The following ABCC1 variants were observed in gnomAD, a reference collection of about 807,000 sequenced individuals.
The protein encoded by ABCC1 is ATP binding cassette subfamily C member 1 (ABCC1 blood group).
ABCC1 carries 83 observed loss-of-function variants against 172.9 expected under a neutral mutation model. The ratio of observed to expected loss-of-function variants is 0.48; its 90% CI spans 0.40 to 0.58. The LOEUF (loss-of-function observed/expected upper bound fraction) is 0.58. Ranked by LOEUF, ABCC1 falls within the 20% of genes least tolerant of loss-of-function variation. ABCC1 has a pLI of 0.00. For synonymous variants in ABCC1, 937 were observed against 825.2 expected (o/e 1.14, Z -2.32); for missense variants, 1,817 against 2,002.7 (o/e 0.91, Z 1.77).
intron 14 of ABCC1, among the ~76,000 whole-genome samples, chr16:16,072,072 A>C (rs1257138782): frequency 6.6e-6 from 1 of 152,018 alleles, no homozygotes; most frequent in Non-Finnish European, 1.5e-5. Context: ...AGGACTCTGG[A>C]GGCTGGCCAG....
At chr16:16,003,543 A>T (rs1207472734) in intron 1 of ABCC1, among the ~76,000 whole-genome samples, 1 of 130,744 alleles carries the variant, frequency 7.6e-6, no homozygotes, top group Non-Finnish European at 1.7e-5. Context: ...AGGTGGGTGG[A>T]TGGATGGATG....
chr16:16,132,029 C>T, intron 27 of ABCC1, 94 bp downstream of exon 27: 34 of 1,476,824 alleles, frequency 2.3e-5, no homozygotes, highest in Non-Finnish European at 3.1e-5. Context: ...TCCCCAGTCA[C>T]TCACGGCTCC....
intron 1 of ABCC1, among the ~76,000 whole-genome samples, chr16:15,995,516 GT>G (rs10716039): frequency 6.6e-6 from 1 of 151,594 alleles, no homozygotes; most frequent in African/African-American, 2.4e-5. Context: ...ACATAGAGTT[GT>G]TTTTTTTAGC....
intron 14 of ABCC1, among the ~76,000 whole-genome samples, chr16:16,075,962 C>T (rs1567376480): frequency 6.7e-6 from 1 of 150,038 alleles, no homozygotes; most frequent in Non-Finnish European, 1.5e-5. Context: ...GCTCGGCCCT[C>T]CCAGCTGGAG....
intron 5 of ABCC1, among the ~76,000 whole-genome samples, chr16:16,028,873 G>A (rs1016970973): frequency 1.3e-5 from 2 of 152,150 alleles, no homozygotes; most frequent in African/African-American, 4.8e-5. Flanking sequence ...ACCCAGGTCT[G>A]TCCGGGTCCA....
At chr16:16,101,965 T>C (rs1272192098) in intron 19 of ABCC1, among the ~76,000 whole-genome samples, 1 of 152,174 alleles carries the variant, frequency 6.6e-6, no homozygotes, top group East Asian at 1.9e-4. Context: ...ATCTGAAGAC[T>C]CAATCAGGGA....
intron 18 of ABCC1, among the ~76,000 whole-genome samples, chr16:16,089,409 A>G (rs112036315): frequency 2.0e-5 from 3 of 152,184 alleles, no homozygotes; most frequent in Admixed American, 6.5e-5. Flanking sequence ...TTATCTGGGC[A>G]TGGTGGCACG....
At chr16:16,064,847 C>G (rs45482896) in intron 12 of ABCC1, among the ~76,000 whole-genome samples, 1 of 152,160 alleles carries the variant, frequency 6.6e-6, no homozygotes, top group Non-Finnish European at 1.5e-5. Flanking sequence ...TCATTTTTCA[C>G]GGAGAGAAAC....
chr16:16,100,112 A>G (rs2051660083), intron 19 of ABCC1, among the ~76,000 whole-genome samples: 2 of 151,484 alleles, frequency 1.3e-5, no homozygotes, highest in African/African-American at 2.4e-5. Flanking sequence ...AAATGCTGAG[A>G]GGATGGTGGA....
chr16:16,066,883 A>G (rs2050132602), intron 12 of ABCC1, among the ~76,000 whole-genome samples: 1 of 142,768 alleles, frequency 7.0e-6, no homozygotes, highest in Non-Finnish European at 1.5e-5. Flanking sequence ...ATCTTGTGCA[A>G]AAGAATGAGA....
chr16:16,070,535 G>C (rs2050304054), intron 13 of ABCC1, among the ~76,000 whole-genome samples: 1 of 152,048 alleles, frequency 6.6e-6, no homozygotes, highest in Non-Finnish European at 1.5e-5. Flanking sequence ...TGTGGTGGCA[G>C]GTGCCTGTAG....
chr16:16,027,565 G>A (rs1029937362), intron 5 of ABCC1, among the ~76,000 whole-genome samples: 1 of 152,034 alleles, frequency 6.6e-6, no homozygotes, highest in African/African-American at 2.4e-5. Context: ...ATAATCCCAG[G>A]ACTTTGGGAG....
intron 19 of ABCC1, chr16:16,098,075 A>C (rs1836528712): frequency 6.6e-6 from 1 of 152,296 alleles, no homozygotes; most frequent in South Asian, 2.1e-4. Context: ...GTCCAGGGTG[A>C]TATCTGGGCT....
At chr16:16,002,081 A>G (rs2047334254) in intron 1 of ABCC1, among the ~76,000 whole-genome samples, 1 of 152,178 alleles carries the variant, frequency 6.6e-6, no homozygotes, top group Non-Finnish European at 1.5e-5. Context: ...TCAATGCTGC[A>G]TTGTTTGTAA....
intron 1 of ABCC1, among the ~76,000 whole-genome samples, chr16:15,962,192 G>T (rs979560): frequency 6.6e-6 from 1 of 152,192 alleles, no homozygotes; most frequent in Non-Finnish European, 1.5e-5. Context: ...TTACTTTCCA[G>T]AGGTCAGGAG....
At chr16:16,070,784 A>G (rs555040738) in intron 13 of ABCC1, among the ~76,000 whole-genome samples, 3 of 152,152 alleles carry the variant, frequency 2.0e-5, no homozygotes, top group African/African-American at 7.2e-5. Flanking sequence ...TCTGCTATCT[A>G]TCCCTTCATT....
rs544834679 is a variant in ABCC1 at position 16,029,825 on chromosome 16, G to C, written c.616-3284G>C. ...AAGCCCAGGAGTTTGAGACCAGCCT[G>C]ATCAATATAGGTAGACCTTGTCTTG... On this transcript the variant is annotated intron_variant, in intron 5 of 30. Transcript: ENST00000399410. Among the ~76,000 whole-genome samples the C allele has an allele frequency of 2.6e-5, 4 of 152,278 alleles. 1 individual carries two copies. The highest frequency in any genetic ancestry group is 2.6e-4 in the Admixed American group (4 of 15,280).
At chr16:16,083,684 A>C in intron 17 of ABCC1, 142 bp downstream of exon 17, 1 of 1,069,418 alleles carries the variant, frequency 9.4e-7, no homozygotes, top group Non-Finnish European at 1.3e-6. Flanking sequence ...TGCACGCTGC[A>C]GGCCAGCTGA....
chr16:15,949,951 C>T (rs1308146668), intron 1 of ABCC1, 152 bp downstream of exon 1: 2 of 597,452 alleles, frequency 3.3e-6, no homozygotes, highest in Non-Finnish European at 2.3e-6. Context: ...CGGCCCAGCC[C>T]CTTTCGGGGG....
Sources: allele counts gnomAD v4.1 joint callset (sites outside exome capture counted in the v4.1 genomes callset), GRCh38; gene constraint gnomAD v4.1.1; transcripts MANE v1.5; gene names NCBI Gene and HGNC (gene_info 2026-07-23, HGNC 2026-07-21).